The following CACNA1H variants were observed in gnomAD, a reference collection of about 807,000 sequenced individuals.
The protein encoded by CACNA1H is voltage-dependent T-type calcium channel subunit alpha-1H.
Under a neutral mutation model 192.5 loss-of-function variants are expected in CACNA1H, and 149 were observed. The ratio of observed to expected loss-of-function variants is 0.77; its 90% CI spans 0.68 to 0.89. The LOEUF is 0.89. Among genes scored for constraint, CACNA1H ranks in the 40% least tolerant of loss-of-function variants. The pLI is 0.00. For synonymous variants in CACNA1H, 2,202 were observed against 1,475.2 expected, an observed-to-expected ratio of 1.49 and a Z score of -11.29; for missense variants, 4,257 against 3,423.5, an observed-to-expected ratio of 1.24 and a Z score of -6.08.
intron 12 of CACNA1H, 135 bp downstream of exon 12, chr16:1,206,424 C>A: frequency 1.3e-6 from 1 of 767,206 alleles, no homozygotes; most frequent in Non-Finnish European, 2.1e-6. Context: ...CACTCGGCCT[C>A]TGCTGCCTTC....
rs149113566 is a variant in CACNA1H at position 1,202,517 on chromosome 16, G to T, written c.2002+65G>T. On this transcript the variant is annotated intron_variant, in intron 9 of 34. Coordinates refer to ENST00000348261, the MANE Select transcript of CACNA1H (RefSeq NM_021098.3). ...CCTAGGCAGGGCGGGCAGGGTCTCC[G>T]GTGTGTCATTCCCACACCCATTGTG... is the stretch of plus-strand genomic sequence containing the variant. 1,367 of 1,367,774 alleles carry T rather than the reference G, an allele frequency of 1.0e-3. 8 individuals carry two copies. The African/African-American group carries it at 0.014, about 14-fold the overall frequency. 84.7% of individuals were successfully genotyped at this position (1,367,774 alleles called of 1,614,324 possible).
chr16:1,183,640 C>T (rs1224371776), intron 2 of CACNA1H, among the ~76,000 whole-genome samples: 3 of 152,246 alleles, frequency 2.0e-5, no homozygotes, highest in Non-Finnish European at 2.9e-5. Context: ...GGGGAGGCGC[C>T]GCACTCAGGG....
At position 1,161,187 on chromosome 16, in the gene CACNA1H, T is replaced by C. The variant is rs1012984003; in HGVS notation, c.299+7151T>C. 2.6e-5 allele frequency among the ~76,000 whole-genome samples: 4 copies of C among 152,288 alleles called. 1 individual carries two copies. The South Asian group carries it at 8.3e-4, about 32-fold the overall frequency. Reference sequence around the variant, plus strand: ...TCGTCTGACCCTGGGCTGCTGGTGGTGTGGGTGCTTCTGCCGTTGGCGACT... The same window carrying C: ...TCGTCTGACCCTGGGCTGCTGGTGGCGTGGGTGCTTCTGCCGTTGGCGACT... On this transcript the variant is annotated intron_variant, in intron 2 of 34. Coordinates refer to ENST00000348261, the MANE Select transcript of CACNA1H (RefSeq NM_021098.3).
chr16:1,154,623 C>T (rs565203721), intron 2 of CACNA1H, among the ~76,000 whole-genome samples: 48 of 152,114 alleles, frequency 3.2e-4, no homozygotes, highest in African/African-American at 1.2e-3. Context: ...AACTCGGTGG[C>T]GGGGCTGACT....
intron 2 of CACNA1H, among the ~76,000 whole-genome samples, chr16:1,175,991 C>T (rs1008879374): frequency 6.6e-6 from 1 of 152,230 alleles, no homozygotes; most frequent in Non-Finnish European, 1.5e-5. Context: ...GCTCCCAGGA[C>T]ATCCTGGTGG....
At chr16:1,208,911 C>T (rs969171417) in intron 16 of CACNA1H, 121 bp from the exon 17 acceptor site, 3 of 1,102,116 alleles carry the variant, frequency 2.7e-6, no homozygotes, top group Non-Finnish European at 3.6e-6. Context: ...CACCGTGCCT[C>T]CCTGGCGGGG....
rs377296168 is a variant in CACNA1H, at chr16:1,201,551, C to T, written c.1213-112C>T. 69 of 1,316,754 alleles carry T rather than the reference C, an allele frequency of 5.2e-5. No homozygotes were observed. In the African/African-American group the frequency reaches 8.4e-4, roughly 16 times the overall value. 81.6% of individuals were successfully genotyped at this position (1,316,754 alleles called of 1,614,324 possible). A position where few individuals can be genotyped will look rare whatever the true frequency, so the allele number is the denominator to read the frequency against. On this transcript the variant is annotated intron_variant, in intron 8 of 34. Coordinates refer to ENST00000348261, the MANE Select transcript of CACNA1H (RefSeq NM_021098.3). ...GCCTGCCCATAGCAGGGCACCTCGC[C>T]CACTGTGCCTGTGACGCGGCCCCCA...
chr16:1,159,116 C>T (rs1393567694), intron 2 of CACNA1H, among the ~76,000 whole-genome samples: 4 of 152,224 alleles, frequency 2.6e-5, no homozygotes, highest in African/African-American at 9.6e-5. Flanking sequence ...CTTGGGGAGC[C>T]GTGCAGAGTG....
rs538782954 is a variant in CACNA1H at position 1,167,930 on chromosome 16, G to T, written c.299+13894G>T. 1.3e-4 allele frequency among the ~76,000 whole-genome samples: 20 copies of T among 152,334 alleles called. No homozygotes were observed. In the South Asian group the frequency reaches 3.5e-3, roughly 27 times the overall value. On this transcript the variant is annotated intron_variant, in intron 2 of 34. Coordinates refer to ENST00000348261, the MANE Select transcript of CACNA1H (RefSeq NM_021098.3). The surrounding 1 kb of genome is among the most constrained non-coding windows in gnomAD (Gnocchi z 4.2). ...CCCACCAGTGCGTGGAGCACGTGGG[G>T]CCTCAGGAGCCAGGCCTGTTCCCCG...
chr16:1,210,691 C>T (rs1969333558), intron 20 of CACNA1H, 40 bp downstream of exon 20: 2 of 1,589,452 alleles, frequency 1.3e-6, no homozygotes. Flanking sequence ...TCCCAGGTCC[C>T]CGTTCTGCCC....
At chr16:1,215,447 G>A in intron 29 of CACNA1H, 72 bp downstream of exon 29, 2 of 1,574,558 alleles carry the variant, frequency 1.3e-6, no homozygotes, top group Non-Finnish European at 1.7e-6. Context: ...GTGGGAGTGA[G>A]GGGCGGGGCG....
chr16:1,214,109 T>G (rs1376183176), intron 27 of CACNA1H, among the ~76,000 whole-genome samples, 178 bp downstream of exon 27: 3 of 152,150 alleles, frequency 2.0e-5, no homozygotes, highest in Non-Finnish European at 4.4e-5. Flanking sequence ...CCCCTCCCCC[T>G]GTCCTTGGGG....
At chr16:1,187,610 A>G (rs1172742813) in intron 2 of CACNA1H, among the ~76,000 whole-genome samples, 1 of 152,200 alleles carries the variant, frequency 6.6e-6, no homozygotes, top group Non-Finnish European at 1.5e-5. Context: ...TCCCAGCTGC[A>G]GAGCTCTGCC....
Position 1,211,232 on chromosome 16 carries a change from A to G in CACNA1H, c.4288A>G (p.Ile1430Val). 2 of 1,613,070 alleles carry G rather than the reference A, an allele frequency of 1.2e-6. No homozygotes were observed. The highest frequency in any genetic ancestry group is 1.1e-5 in the South Asian group (1 of 91,082). Residue 1430 changes from isoleucine to valine, a missense_variant, in exon 22 of 35, where the codon ATT (isoleucine) becomes GTT (valine). By Grantham distance (29) the Ile-to-Val change is conservative (BLOSUM62 3). Coordinates refer to ENST00000348261, the MANE Select transcript of CACNA1H (RefSeq NM_021098.3). ...VETLISSLRP[I>V]GNIVLICCAF... ...GACGCTGATATCATCACTCAGGCCC[A>G]TTGGGAACATCGTCCTCATCTGCTG...
chr16:1,153,376 G>GGGGGCC lies in CACNA1H; in HGVS notation c.-97_-92dup, dbSNP rs919820704. 6.0e-4 allele frequency: 74 copies of GGGGGCC among 122,850 alleles called. No individual in the cohort carries two copies. The highest frequency in any genetic ancestry group is 7.6e-4 in the African/African-American group (27 of 35,722). The allele number at this position is 122,850 out of a possible 1,614,324, so 7.6% of individuals were successfully genotyped here. On this transcript the variant is annotated 5_prime_UTR_variant, in exon 1 of 35. Transcript: ENST00000348261. ...GGCCGGGGCCGGGGGCGGAGGCGCT[G>GGGGGCC]GGGGCCGGGGCCGGGGCCGGGCGCC...
At chr16:1,204,821 C>A (rs71384634) in intron 10 of CACNA1H, among the ~76,000 whole-genome samples, 6 of 66,796 alleles carry the variant, frequency 9.0e-5, no homozygotes, top group African/African-American at 1.1e-4. Flanking sequence ...GTGGGAGCCG[C>A]GGGTGGGGCC....
At position 1,221,756 on chromosome 16, in the gene CACNA1H, C is replaced by T; in HGVS notation, c.*762C>T. ...GGGGGCGGAGCGGAATAAATAGTAA[C>T]TTATTTAAGAAATGCACTTGGATTC... On this transcript the variant is annotated 3_prime_UTR_variant, in exon 35 of 35. Transcript: ENST00000348261. 1 of 1,563,852 alleles carries T rather than the reference C, an allele frequency of 6.4e-7. No homozygotes were observed. Among genetic ancestry groups the T allele is most frequent in the Non-Finnish European group, 8.7e-7 (1 of 1,151,780 alleles).
Position 1,180,744 on chromosome 16 carries a change from C to T in CACNA1H, c.300-14228C>T, listed in dbSNP as rs367771465. On this transcript the variant is annotated intron_variant, in intron 2 of 34. Coordinates refer to ENST00000348261, the MANE Select transcript of CACNA1H (RefSeq NM_021098.3). The surrounding 1 kb of genome is among the most constrained non-coding windows in gnomAD (Gnocchi z 4.4). ...GGGTGTGCAGCGGGGGCTGGGATGC[C>T]GCCGAATAGGGGCCTGTGGCTCCCA... Among the ~76,000 whole-genome samples, 490 of 152,194 alleles carry T rather than the reference C, an allele frequency of 3.2e-3. 5 individuals carry two copies. The highest frequency in any genetic ancestry group is 0.022 in the South Asian group (107 of 4,820).
At chr16:1,200,845 T>G in intron 8 of CACNA1H, 37 bp downstream of exon 8, 31 of 1,392,086 alleles carry the variant, frequency 2.2e-5, no homozygotes, top group African/African-American at 5.8e-5. Flanking sequence ...TGATGGGCCC[T>G]GGTGTTAGCT....
Sources: allele counts gnomAD v4.1 joint callset (sites outside exome capture counted in the v4.1 genomes callset), GRCh38; gene constraint gnomAD v4.1.1; non-coding constraint Gnocchi (gnomAD v3.1); transcripts MANE v1.5; gene names NCBI Gene and HGNC (gene_info 2026-07-23, HGNC 2026-07-21).